The following NCALD variants were observed in gnomAD, a reference collection of about 807,000 sequenced individuals.
NCALD encodes neurocalcin delta.
A neutral mutation model predicts 18.6 loss-of-function variants in NCALD; 10 were observed. The observed-to-expected ratio is 0.54, with a 90% confidence interval of 0.33 to 0.91. The LOEUF is 0.91. NCALD is among the 40% of genes least tolerant of loss of function. The pLI is 0.03. For missense variants in NCALD, 184 were observed against 247.6 expected (o/e 0.74, Z 1.72); for synonymous variants, 88 against 87.4 (o/e 1.01, Z -0.04).
chr8:101,902,648 C>T (rs1217233945), intron 3 of NCALD, among the ~76,000 whole-genome samples: 1 of 152,238 alleles, frequency 6.6e-6, no homozygotes, highest in Admixed American at 6.5e-5. Flanking sequence ...AGCTTTCCTC[C>T]TCTGGCCTTT....
At chr8:102,041,635 C>T (rs1238422062) in intron 1 of NCALD, among the ~76,000 whole-genome samples, 1 of 152,224 alleles carries the variant, frequency 6.6e-6, no homozygotes, top group African/African-American at 2.4e-5. Context: ...CAGTTTGATA[C>T]AGGGAATGCA....
At chr8:101,713,517 AATAG>A (rs768849413) in intron 2 of NCALD, among the ~76,000 whole-genome samples, 6 of 152,140 alleles carry the variant, frequency 3.9e-5, no homozygotes, top group African/African-American at 1.2e-4. Flanking sequence ...AGATTAACAA[AATAG>A]ATAGACCACT....
At chr8:101,956,670 C>T (rs1196942980) in intron 2 of NCALD, among the ~76,000 whole-genome samples, 1 of 151,674 alleles carries the variant, frequency 6.6e-6, no homozygotes, top group African/African-American at 2.4e-5. Flanking sequence ...TACTCTGGAC[C>T]ATTAAATAAT....
At chr8:102,052,139 T>C (rs1232591818) in intron 1 of NCALD, among the ~76,000 whole-genome samples, 2 of 152,258 alleles carry the variant, frequency 1.3e-5, no homozygotes, top group Non-Finnish European at 2.9e-5. Context: ...TTAAAGCATT[T>C]CATGGTTGGC....
At chr8:101,699,077 A>AG (rs969129305) in intron 2 of NCALD, among the ~76,000 whole-genome samples, 3 of 15,028 alleles carry the variant, frequency 2.0e-4, no homozygotes, top group Non-Finnish European at 4.3e-4. Flanking sequence ...ACAATTTTAC[A>AG]GGAAAAAAAA....
chr8:101,969,413 C>G (rs184282251), intron 2 of NCALD, among the ~76,000 whole-genome samples: 1 of 152,174 alleles, frequency 6.6e-6, no homozygotes. Flanking sequence ...CCCCACACTT[C>G]GTAATGATGA....
At chr8:102,086,665 C>T (rs1046197975) in intron 1 of NCALD, among the ~76,000 whole-genome samples, 7 of 152,164 alleles carry the variant, frequency 4.6e-5, no homozygotes, top group Non-Finnish European at 1.5e-5. Flanking sequence ...TTCTCATGCT[C>T]CCACACCTCA....
intron 4 of NCALD, among the ~76,000 whole-genome samples, chr8:101,801,551 C>T (rs984493758): frequency 7.7e-6 from 1 of 129,382 alleles, no homozygotes; most frequent in Admixed American, 8.6e-5. Context: ...ATTAGAAAGA[C>T]AAATAGAAAA....
At chr8:102,100,718 C>A (rs1183457094) in intron 1 of NCALD, among the ~76,000 whole-genome samples, 1 of 152,148 alleles carries the variant, frequency 6.6e-6, no homozygotes, top group Non-Finnish European at 1.5e-5. Context: ...CATTATTCAA[C>A]CTTAAAGAGA....
At chr8:101,691,519 T>A in intron 3 of NCALD, 1 of 985,358 alleles carries the variant, frequency 1.0e-6, no homozygotes, top group Non-Finnish European at 1.2e-6. Context: ...TGTCTGGACC[T>A]AGAGCACAGC....
chr8:101,835,132 T>A (rs1814356694), intron 4 of NCALD, among the ~76,000 whole-genome samples: 1 of 152,024 alleles, frequency 6.6e-6, no homozygotes, highest in African/African-American at 2.4e-5. Flanking sequence ...GTAAAGCAGA[T>A]AAAAAGCAGT....
At position 102,081,580 on chromosome 8, in the gene NCALD, C is replaced by CA. The variant is rs1554593045; in HGVS notation, c.-210+42656dup. Among the ~76,000 whole-genome samples the CA allele has an allele frequency of 6.4e-4, 79 of 123,570 alleles. 1 individual carries two copies. Among genetic ancestry groups the CA allele is most frequent in the Non-Finnish European group, 9.9e-4 (56 of 56,444 alleles). 81.1% of individuals were successfully genotyped at this position (123,570 alleles called of 152,430 possible). A position where few individuals can be genotyped will look rare whatever the true frequency, so the allele number is the denominator to read the frequency against. On this transcript the variant is annotated intron_variant, in intron 1 of 6. Transcript: ENST00000311028. ...AAAAAAAAAAAAAAAAAAAAAACCC[C>CA]AAAAAAAACTGGCTTTGCGCATGCG...
chr8:102,032,392 T>C (rs28842593), intron 1 of NCALD, among the ~76,000 whole-genome samples: 30,429 of 152,096 alleles, frequency 0.2, 3,671 homozygotes, highest in African/African-American at 0.34. Flanking sequence ...CTCCATTGTA[T>C]AGCAGCAACA....
chr8:102,023,679 A>T (rs754581995), intron 1 of NCALD, among the ~76,000 whole-genome samples: 2 of 152,236 alleles, frequency 1.3e-5, no homozygotes, highest in African/African-American at 2.4e-5. Context: ...ATGGCCTTCA[A>T]GCTAGGAAAG....
At chr8:101,800,612 C>T (rs953670631) in intron 4 of NCALD, among the ~76,000 whole-genome samples, 7 of 151,806 alleles carry the variant, frequency 4.6e-5, no homozygotes, top group African/African-American at 1.7e-4. Context: ...TATATTCTAA[C>T]TCTTTGCTGT....
chr8:101,858,405 G>A (rs931193524), intron 4 of NCALD, among the ~76,000 whole-genome samples: 1 of 152,134 alleles, frequency 6.6e-6, no homozygotes, highest in Non-Finnish European at 1.5e-5. Context: ...AACAAGAAGG[G>A]TGATAAAAAG....
intron 4 of NCALD, among the ~76,000 whole-genome samples, chr8:101,822,612 G>A (rs1171109440): frequency 2.0e-5 from 3 of 152,200 alleles, no homozygotes; most frequent in Non-Finnish European, 4.4e-5. Flanking sequence ...TGGTAGTGGT[G>A]GCAGCCAGCA....
At chr8:102,052,716 A>G (rs1335962819) in intron 1 of NCALD, among the ~76,000 whole-genome samples, 1 of 152,260 alleles carries the variant, frequency 6.6e-6, no homozygotes, top group Non-Finnish European at 1.5e-5. Context: ...CGTAAAGGCC[A>G]GAGAGTAAAT....
chr8:101,790,068 T>C (rs1812389703), intron 1 of NCALD, among the ~76,000 whole-genome samples: 1 of 152,202 alleles, frequency 6.6e-6, no homozygotes. Flanking sequence ...AGGGCTATTG[T>C]TTTTTTCTTT....
Sources: allele counts gnomAD v4.1 joint callset (sites outside exome capture counted in the v4.1 genomes callset), GRCh38; gene constraint gnomAD v4.1.1; transcripts MANE v1.5; gene names NCBI Gene and HGNC (gene_info 2026-07-23, HGNC 2026-07-21).